The following FER variants were observed in gnomAD, a reference collection of about 807,000 sequenced individuals.
The protein encoded by FER is FER tyrosine kinase, also known as tyrosine-protein kinase Fer.
Under a neutral mutation model 111.0 loss-of-function variants are expected in FER, and 63 were observed. The ratio of observed to expected loss-of-function variants is 0.57; its 90% CI spans 0.46 to 0.70. The LOEUF is 0.70. Ranked by LOEUF, FER falls within the 30% of genes least tolerant of loss-of-function variation. The pLI, the probability that FER is intolerant of heterozygous loss-of-function variation, is 0.00. For synonymous variants in FER, 327 were observed against 313.9 expected (o/e 1.04, Z -0.44); for missense variants, 914 against 954.0 (o/e 0.96, Z 0.55).
intron 10 of FER, among the ~76,000 whole-genome samples, chr5:108,921,013 C>T (rs923718116): frequency 6.6e-6 from 1 of 151,996 alleles, no homozygotes; most frequent in African/African-American, 2.4e-5. Context: ...TGTTTCATCT[C>T]TTTTTAATAC....
intron 11 of FER, among the ~76,000 whole-genome samples, chr5:108,950,617 A>G (rs888431826): frequency 6.6e-6 from 1 of 152,188 alleles, no homozygotes; most frequent in African/African-American, 2.4e-5. Flanking sequence ...TATTCGGAAT[A>G]TCTTATTTTT....
At chr5:108,828,586 G>C (rs1408961193) in intron 3 of FER, among the ~76,000 whole-genome samples, 1 of 151,892 alleles carries the variant, frequency 6.6e-6, no homozygotes, top group Non-Finnish European at 1.5e-5. Flanking sequence ...TTTCCTGATT[G>C]TATTATTGTT....
chr5:109,021,346 A>G (rs2149831159), intron 13 of FER, among the ~76,000 whole-genome samples: 1 of 152,164 alleles, frequency 6.6e-6, no homozygotes, highest in Middle Eastern at 3.4e-3. Context: ...GTTGAAATCA[A>G]CAAACTTCTA....
chr5:109,013,795 C>T (rs1160970428), intron 13 of FER, among the ~76,000 whole-genome samples: 2 of 149,460 alleles, frequency 1.3e-5, no homozygotes, highest in African/African-American at 2.4e-5. Context: ...GAGATGGTAT[C>T]TCATTGTGGT....
intron 13 of FER, among the ~76,000 whole-genome samples, chr5:109,003,981 A>G (rs1765170898): frequency 6.6e-6 from 1 of 152,230 alleles, no homozygotes; most frequent in Non-Finnish European, 1.5e-5. Context: ...CCGGGTCTCA[A>G]GAAACAAAAC....
At chr5:109,066,916 T>C (rs1299542732) in intron 16 of FER, among the ~76,000 whole-genome samples, 2 of 152,196 alleles carry the variant, frequency 1.3e-5, no homozygotes, top group African/African-American at 4.8e-5. Context: ...AGAGGGATGG[T>C]AGCAGGTGGA....
chr5:108,935,726 A>G (rs1755371396), intron 10 of FER, among the ~76,000 whole-genome samples: 1 of 152,050 alleles, frequency 6.6e-6, no homozygotes, highest in Non-Finnish European at 1.5e-5. Flanking sequence ...GTGAGTCATA[A>G]TATTTCGGGA....
At chr5:109,107,561 C>T (rs1464070483) in intron 17 of FER, among the ~76,000 whole-genome samples, 2 of 152,008 alleles carry the variant, frequency 1.3e-5, no homozygotes. Context: ...TTAGCTCACA[C>T]TTATAAGTGA....
chr5:109,111,670 A>G lies in FER; in HGVS notation c.2048+11151A>G, dbSNP rs181907708. Among the ~76,000 whole-genome samples, 38 of 152,280 alleles carry G rather than the reference A, an allele frequency of 2.5e-4. No individual in the cohort carries two copies. In the East Asian group the frequency reaches 7.0e-3, roughly 28 times the overall value. On this transcript the variant is annotated intron_variant, in intron 17 of 19. Coordinates refer to ENST00000281092, the MANE Select transcript of FER (RefSeq NM_005246.4). ...GGAAGCATGACTGGGAGGTCTCAGGAAACTTACAATCATGGCAGAAGGCGA... is the reference window on the plus strand; with the variant it reads ...GGAAGCATGACTGGGAGGTCTCAGGGAACTTACAATCATGGCAGAAGGCGA...
intron 5 of FER, among the ~76,000 whole-genome samples, chr5:108,839,724 C>T (rs1372472103): frequency 1.3e-5 from 2 of 151,854 alleles, no homozygotes; most frequent in Non-Finnish European, 2.9e-5. Context: ...ACTACAGGCG[C>T]CCGCCATCAC....
intron 2 of FER, among the ~76,000 whole-genome samples, chr5:108,796,072 G>C (rs1329980831): frequency 6.6e-6 from 1 of 152,198 alleles, no homozygotes. Context: ...CATGTAAGCT[G>C]TATCTGTATT....
chr5:109,138,659 C>T (rs933593397), intron 17 of FER, among the ~76,000 whole-genome samples: 26 of 152,248 alleles, frequency 1.7e-4, no homozygotes, highest in Admixed American at 1.6e-3. Flanking sequence ...TAGTTCCTCT[C>T]ACTCTATTTT....
rs374661380 is a variant in FER, at chr5:108,836,779, TCTC to T, written c.481+975_481+977del. Among the ~76,000 whole-genome samples, 46 of 152,076 alleles carry T rather than the reference TCTC, an allele frequency of 3.0e-4. 1 individual carries two copies. In the South Asian group the frequency reaches 9.1e-3, roughly 30 times the overall value. ...CTGATTTAAATGCAGTTCTTTCTCT[TCTC>T]CTTCCTTTCTCTCTCCTTTTCCCCT... On this transcript the variant is annotated intron_variant, in intron 5 of 19. Coordinates refer to ENST00000281092, the MANE Select transcript of FER (RefSeq NM_005246.4).
chr5:109,180,710 T>C (rs753739272), intron 17 of FER, 37 bp from the exon 18 acceptor site: 1 of 1,563,260 alleles, frequency 6.4e-7, no homozygotes, highest in Non-Finnish European at 8.6e-7. Flanking sequence ...TTTCAATTTG[T>C]TTTAATAGGC....
At chr5:109,021,560 A>G (rs900097551) in intron 13 of FER, among the ~76,000 whole-genome samples, 9 of 152,052 alleles carry the variant, frequency 5.9e-5, no homozygotes, top group African/African-American at 2.2e-4. Context: ...TTTCTTCACC[A>G]ATTTTTTCTT....
chr5:109,143,594 A>C (rs10074425), intron 17 of FER, among the ~76,000 whole-genome samples: 69,748 of 151,710 alleles, frequency 0.46, 16,667 homozygotes, highest in African/African-American at 0.58. Flanking sequence ...CCCCACCTCC[A>C]TTATACTCTG....
chr5:109,148,260 G>C (rs958254562), intron 17 of FER, among the ~76,000 whole-genome samples: 1 of 152,044 alleles, frequency 6.6e-6, no homozygotes, highest in Non-Finnish European at 1.5e-5. Context: ...GAAACTGACA[G>C]TTTAGATATA....
Position 109,044,672 on chromosome 5 carries a change from A to T in FER, c.1714-8A>T. 1 of 1,400,552 alleles carries T rather than the reference A, an allele frequency of 7.1e-7. No individual in the cohort carries two copies. Among genetic ancestry groups the T allele is most frequent in the South Asian group, 1.4e-5 (1 of 73,882 alleles). The allele number at this position is 1,400,552 out of a possible 1,614,324, so 86.8% of individuals were successfully genotyped here. ...TACCCCAGACAATGAATGTATTTCT[A>T]TTTTCAGGGAAATTTTGGTGAAGTA... On this transcript the variant is annotated splice_region_variant and splice_polypyrimidine_tract_variant and intron_variant, in intron 14 of 19. Transcript: ENST00000281092.
chr5:108,894,349 G>A (rs1748699201), intron 9 of FER: 1 of 988,484 alleles, frequency 1.0e-6, no homozygotes, highest in Non-Finnish European at 1.3e-6. Context: ...AGCCATCACT[G>A]TTTCTGCTGC....
Sources: allele counts gnomAD v4.1 joint callset (sites outside exome capture counted in the v4.1 genomes callset), GRCh38; gene constraint gnomAD v4.1.1; transcripts MANE v1.5; gene names NCBI Gene and HGNC (gene_info 2026-07-23, HGNC 2026-07-21).